Variants in BPTF observed in about 807,000 individuals in gnomAD.
BPTF encodes the protein bromodomain PHD finger transcription factor, also known as nucleosome-remodeling factor subunit BPTF.
Under a neutral mutation model 292.5 loss-of-function variants are expected in BPTF, and 18 were observed. The observed-to-expected ratio is 0.06, with a 90% CI of 0.04 to 0.09. The LOEUF is 0.09. Among genes scored for constraint, BPTF ranks in the 10% least tolerant of loss-of-function variants. The probability of loss-of-function intolerance (pLI) is 1.00; values close to 1 mark genes in which losing one functional copy is unlikely to be tolerated. For synonymous variants in BPTF, 1,225 were observed against 1,251.9 expected, an observed-to-expected ratio of 0.98 and a Z score of 0.45; for missense variants, 2,726 against 3,498.7, an observed-to-expected ratio of 0.78 and a Z score of 5.57.
In BPTF at chr17:67,911,032, A is replaced by G. The variant is rs748555106; in HGVS notation, c.3148A>G (p.Ser1050Gly). 20 of 1,613,574 alleles carry G rather than the reference A, an allele frequency of 1.2e-5. No individual in the cohort carries two copies. The highest frequency in any genetic ancestry group is 1.5e-5 in the Non-Finnish European group (18 of 1,179,762). The change falls in exon 11 of 28, where the codon AGT becomes GGT. Residue 1050 changes from serine (S) to glycine (G), a missense_variant. Around this residue, in one of 22 missense-constraint regions of BPTF, gnomAD observed 713 missense variants for 714.9 expected, o/e 1.00. Coordinates refer to ENST00000306378, the MANE Select transcript of BPTF (RefSeq NM_182641.4). ...NVSEGFHLRTSYKKKTKSSKL... is the reference protein window; with the variant it reads ...NVSEGFHLRTGYKKKTKSSKL... The stretch of plus-strand genomic sequence containing the variant: ...TAGTGAGGGTTTTCATCTAAGGACT[A>G]GTTACAAAAAGAAAACAAAATCATC...
In BPTF at chr17:67,893,437, G is replaced by C; in HGVS notation, c.2123G>C (p.Gly708Ala). The change falls in exon 6 of 28, where the codon GGA (glycine) becomes GCA (alanine). Residue 708 changes from glycine (G) to alanine (A), a missense_variant. Gly to Ala is a moderately conservative substitution (Grantham distance 60). Around this residue, in one of 22 missense-constraint regions of BPTF, gnomAD observed 63 missense variants for 84.1 expected, o/e 0.75. Transcript: ENST00000306378. The part of the protein sequence containing the change: ...LSTKKEVIMK[G>A]NINNYFKLGQ... ...ACCAAAAAGGAAGTGATCATGAAAGGAAATATCAACAATTATTTTAAATTG... is the reference window on the plus strand; with the variant it reads ...ACCAAAAAGGAAGTGATCATGAAAGCAAATATCAACAATTATTTTAAATTG... 1 of 1,614,134 alleles carries C rather than the reference G, an allele frequency of 6.2e-7. No individual in the cohort carries two copies. Among genetic ancestry groups the C allele is most frequent in the South Asian group, 1.1e-5 (1 of 91,084 alleles).
chr17:67,855,780 T>G (rs1266923673), intron 2 of BPTF, among the ~76,000 whole-genome samples: 1 of 152,174 alleles, frequency 6.6e-6, no homozygotes, highest in Non-Finnish European at 1.5e-5. Flanking sequence ...TTCTTAGAAT[T>G]AGGTCAAATG....
chr17:67,908,844 T>G (rs1339334976), intron 9 of BPTF, among the ~76,000 whole-genome samples: 14 of 146,808 alleles, frequency 9.5e-5, no homozygotes, highest in African/African-American at 3.3e-4. Flanking sequence ...TTTTTTTTTT[T>G]TTTTTGTTGA....
In BPTF at chr17:67,910,852, T is replaced by G. The variant is rs747534019; in HGVS notation, c.2993-25T>G. On this transcript the variant is annotated intron_variant, in intron 10 of 27. Coordinates refer to ENST00000306378, the MANE Select transcript of BPTF (RefSeq NM_182641.4). ...CCTCCTTTCAGAGTAAAAATTACATTTATATAAATGTCTTTGTTTCACAGA... is the reference window on the plus strand; with the variant it reads ...CCTCCTTTCAGAGTAAAAATTACATGTATATAAATGTCTTTGTTTCACAGA... The G allele has an allele frequency of 2.2e-5, 32 of 1,460,072 alleles. No individual in the cohort carries two copies. The highest frequency in any genetic ancestry group is 2.7e-5 in the Non-Finnish European group (30 of 1,098,352). 90.4% of individuals were successfully genotyped at this position (1,460,072 alleles called of 1,614,324 possible).
chr17:67,902,396 G>A (rs767356004), intron 7 of BPTF, among the ~76,000 whole-genome samples: 8 of 152,170 alleles, frequency 5.3e-5, no homozygotes, highest in South Asian at 4.1e-4. Context: ...TAGTCACCCC[G>A]CCTTACTCCT....
chr17:67,874,341 T>C (rs541909083), intron 3 of BPTF, among the ~76,000 whole-genome samples: 2 of 152,276 alleles, frequency 1.3e-5, no homozygotes, highest in East Asian at 3.9e-4. Context: ...GTTTTCTCTT[T>C]TTACAGTTGA....
At chr17:67,848,279 T>A (rs2058174239) in intron 1 of BPTF, among the ~76,000 whole-genome samples, 1 of 152,168 alleles carries the variant, frequency 6.6e-6, no homozygotes, top group Non-Finnish European at 1.5e-5. Flanking sequence ...ATCTCTGCCC[T>A]CGGCAGGTAG....
Position 67,825,594 on chromosome 17 carries a change from C to T in BPTF, c.-131C>T, listed in dbSNP as rs2055910335. 3 of 405,178 alleles carry T rather than the reference C, an allele frequency of 7.4e-6. No individual in the cohort carries two copies. Among genetic ancestry groups the T allele is most frequent in the South Asian group, 3.7e-5 (2 of 53,616 alleles). The allele number at this position is 405,178 out of a possible 1,614,324, so 25.1% of individuals were successfully genotyped here. A position where few individuals can be genotyped will look rare whatever the true frequency, so the allele number is the denominator to read the frequency against. On this transcript the variant is annotated 5_prime_UTR_variant, in exon 1 of 28. Coordinates refer to ENST00000306378, the MANE Select transcript of BPTF (RefSeq NM_182641.4). ...TTCGGATTGAGCCTTCTCCCTCCACCCGCTTCCGTCGGCCGGGCCCCTCCC... is the reference window on the plus strand; with the variant it reads ...TTCGGATTGAGCCTTCTCCCTCCACTCGCTTCCGTCGGCCGGGCCCCTCCC...
Position 67,924,547 on chromosome 17 carries a change from A to C in BPTF, c.5709A>C (p.Arg1903Ser). The change falls in exon 15 of 28, where the codon AGA becomes AGC. Residue 1903 changes from arginine (R) to serine (S), a missense_variant and splice_region_variant. Physicochemically the swap from Arg to Ser is moderately radical, Grantham distance 110. Around this residue, in one of 22 missense-constraint regions of BPTF, gnomAD observed 198 missense variants for 277.1 expected, o/e 0.71. Coordinates refer to ENST00000306378, the MANE Select transcript of BPTF (RefSeq NM_182641.4). ...TAAGTTTCTCCTTTTTTTCCTGCAG[A>C]GTGGAGAAAGAAAAGGCACAAGCAG... Reference protein sequence around the residue: ...ELWEIRAFAERVEKEKAQAVE... With the variant: ...ELWEIRAFAESVEKEKAQAVE... 1 of 1,612,876 alleles carries C rather than the reference A, an allele frequency of 6.2e-7. No homozygotes were observed. The highest frequency in any genetic ancestry group is 8.5e-7 in the Non-Finnish European group (1 of 1,179,788).
intron 7 of BPTF, among the ~76,000 whole-genome samples, chr17:67,901,462 T>C (rs536939105): frequency 5.3e-4 from 80 of 152,156 alleles, no homozygotes; most frequent in African/African-American, 1.8e-3. Flanking sequence ...AAATTCTGAG[T>C]GGAAAAATGT....
chr17:67,969,820 G>C (rs559280201), intron 26 of BPTF, among the ~76,000 whole-genome samples: 6 of 152,196 alleles, frequency 3.9e-5, no homozygotes, highest in African/African-American at 1.4e-4. Flanking sequence ...AAAATGCTCA[G>C]GAGGCTGAGG....
chr17:67,845,585 G>C (rs1445784749), intron 1 of BPTF, among the ~76,000 whole-genome samples: 3 of 151,948 alleles, frequency 2.0e-5, no homozygotes, highest in Non-Finnish European at 2.9e-5. Flanking sequence ...ACCAGCCTGG[G>C]CAATGTAGGG....
Position 67,835,421 on chromosome 17 carries a change from T to A in BPTF, c.613+9084T>A, listed in dbSNP as rs112425819. The stretch of plus-strand genomic sequence containing the variant: ...AGGGGGAATTTACCTAACATCTCTT[T>A]TTCTCTAGCCTTTTATTTGCCCTAA... On this transcript the variant is annotated intron_variant, in intron 1 of 27. Transcript: ENST00000306378. Among the ~76,000 whole-genome samples the A allele has an allele frequency of 4.1e-3, 624 of 152,308 alleles. 5 individuals carry two copies. Among genetic ancestry groups the A allele is most frequent in the African/African-American group, 0.014 (585 of 41,568 alleles).
Position 67,825,906 on chromosome 17 carries a change from A to G in BPTF, c.182A>G (p.Lys61Arg), listed in dbSNP as rs1342596915. 18 of 1,013,038 alleles carry G rather than the reference A, an allele frequency of 1.8e-5. No individual in the cohort carries two copies. Among genetic ancestry groups the G allele is most frequent in the Non-Finnish European group, 2.0e-5 (17 of 850,010 alleles). 62.8% of individuals were successfully genotyped at this position (1,013,038 alleles called of 1,614,324 possible). Reference sequence around the variant, plus strand: ...GCCGCCCAGGCTGAGGTGGCGCCCAAGACGCGGCTGAGCTCGCCCAGGGGG... The same window carrying G: ...GCCGCCCAGGCTGAGGTGGCGCCCAGGACGCGGCTGAGCTCGCCCAGGGGG... Reference protein sequence around the residue: ...WAAAQAEVAPKTRLSSPRGGS... With the variant: ...WAAAQAEVAPRTRLSSPRGGS... The change falls in exon 1 of 28, where the codon AAG becomes AGG. Residue 61 changes from lysine to arginine, a missense_variant. Transcript: ENST00000306378.
At chr17:67,971,483 T>TAA (rs782720627) in intron 26 of BPTF, among the ~76,000 whole-genome samples, 4 of 140,568 alleles carry the variant, frequency 2.8e-5, no homozygotes, top group Admixed American at 7.1e-5. Flanking sequence ...ACGCTGTCTT[T>TAA]AAAAAAAAAA....
rs1598793205 is a variant in BPTF, at chr17:67,939,629, G to A, written c.6260-810G>A. ...GAGGTTGCTCATGCCTGTAATCCCAGCACTTTGGGAGGCCAAGGCGGGTGG... is the reference window on the plus strand; with the variant it reads ...GAGGTTGCTCATGCCTGTAATCCCAACACTTTGGGAGGCCAAGGCGGGTGG... On this transcript the variant is annotated intron_variant, in intron 18 of 27. Transcript: ENST00000306378. Among the ~76,000 whole-genome samples, 3 of 152,218 alleles carry A rather than the reference G, an allele frequency of 2.0e-5. 1 individual carries two copies. In the South Asian group the frequency reaches 6.2e-4, roughly 31 times the overall value.
Position 67,945,698 on chromosome 17 carries a change from G to C in BPTF, c.6990G>C (p.Gln2330His), listed in dbSNP as rs782068122. ...AGCCCCAAGTTGCAGCACAGTCTCA[G>C]CCTCAAAGTAATGTCCAAGGACAGT... ...SSKPQVAAQSQPQSNVQGQSP... is the reference protein window; with the variant it reads ...SSKPQVAAQSHPQSNVQGQSP... The change falls in exon 21 of 28, where the codon CAG (glutamine) becomes CAC (histidine). Residue 2330 changes from glutamine (Q) to histidine (H), a missense_variant. Around this residue, in one of 22 missense-constraint regions of BPTF, gnomAD observed 570 missense variants for 633.5 expected, o/e 0.90. Transcript: ENST00000306378. 1.2e-6 allele frequency: 2 copies of C among 1,614,114 alleles called. No individual in the cohort carries two copies. Among genetic ancestry groups the C allele is most frequent in the Admixed American group, 1.7e-5 (1 of 59,982 alleles).
In BPTF at chr17:67,912,475, G is replaced by A. The variant is rs2062719496; in HGVS notation, c.4591G>A (p.Val1531Ile). The change falls in exon 11 of 28, where the codon GTA becomes ATA. Residue 1531 changes from valine (V) to isoleucine (I), a missense_variant. By Grantham distance (29) the Val-to-Ile change is conservative. Transcript: ENST00000306378. ...SCPESNSVNQ[V>I]EDMEIETSEV... is the part of the protein sequence containing the mutation. The stretch of plus-strand genomic sequence containing the variant: ...TCCAGAAAGCAATTCAGTTAATCAG[G>A]TAGAAGATATGGAAATAGAAACCTC... 1 of 1,613,868 alleles carries A rather than the reference G, an allele frequency of 6.2e-7. No individual in the cohort carries two copies. The highest frequency in any genetic ancestry group is 1.3e-5 in the African/African-American group (1 of 74,986).
chr17:67,881,179 T>G (rs889707855), intron 4 of BPTF, among the ~76,000 whole-genome samples: 3 of 152,058 alleles, frequency 2.0e-5, no homozygotes, highest in African/African-American at 7.2e-5. Flanking sequence ...TTATCAGTGA[T>G]CAGAAACATT....
Sources: gnomAD v4.1 joint callset for allele counts (sites outside exome capture counted in the v4.1 genomes callset) on GRCh38, gnomAD v4.1.1 for gene constraint, gnomAD v4.1.1 regional missense constraint, MANE v1.5 for transcripts, NCBI Gene and HGNC (gene_info 2026-07-23, HGNC 2026-07-21) for gene names.